The following KSR2 variants were observed in gnomAD, a reference collection of about 807,000 sequenced individuals.
The protein encoded by KSR2 is kinase suppressor of ras 2.
In KSR2, 25 loss-of-function variants were observed where a neutral mutation model predicts 107.8. The ratio of observed to expected loss-of-function variants is 0.23; its 90% confidence interval spans 0.17 to 0.32. The LOEUF (loss-of-function observed/expected upper bound fraction) is 0.32, where lower values mean the gene tolerates loss of function less well. Ranked by LOEUF, KSR2 falls within the 10% of genes least tolerant of loss-of-function variation. KSR2 has a pLI of 1.00. For missense variants in KSR2, 887 were observed against 1,268.9 expected (o/e 0.70, Z 4.57); for synonymous variants, 480 against 507.0 (o/e 0.95, Z 0.71).
chr12:117,663,877 C>T (rs1223210822), intron 5 of KSR2, among the ~76,000 whole-genome samples: 1 of 152,146 alleles, frequency 6.6e-6, no homozygotes, highest in Non-Finnish European at 1.5e-5. Context: ...TAAAGATGAT[C>T]CACTGGTGAA....
chr12:117,638,539 A>G (rs1883212534), intron 5 of KSR2, among the ~76,000 whole-genome samples: 1 of 152,186 alleles, frequency 6.6e-6, no homozygotes, highest in African/African-American at 2.4e-5. Flanking sequence ...GCTGCAGAAT[A>G]TGTGAAATAC....
chr12:117,695,012 A>G (rs996189381), intron 4 of KSR2, among the ~76,000 whole-genome samples: 1 of 151,832 alleles, frequency 6.6e-6, no homozygotes, highest in African/African-American at 2.4e-5. Context: ...CACCACACCC[A>G]GCTAATTTTT....
At chr12:117,661,390 G>A (rs1377353152) in intron 5 of KSR2, among the ~76,000 whole-genome samples, 1 of 152,164 alleles carries the variant, frequency 6.6e-6, no homozygotes, top group African/African-American at 2.4e-5. Flanking sequence ...GGTTATGTAA[G>A]AGAGTATGCA....
At position 117,462,396 on chromosome 12, in the gene KSR2, A is replaced by T. The variant is rs1284786505; in HGVS notation, c.*4803T>A. ...TTAATCCAATGTGACTCGTGTCCTT[A>T]TAAGAAGATGGCCATATGAAGATAG... On this transcript the variant is annotated 3_prime_UTR_variant, in exon 20 of 20. Transcript: ENST00000339824. 1.3e-5 allele frequency: 2 copies of T among 152,114 alleles called. No individual in the cohort carries two copies. Among genetic ancestry groups the T allele is most frequent in the African/African-American group, 4.8e-5 (2 of 41,426 alleles). The allele number at this position is 152,114 out of a possible 1,614,324, so 9.4% of individuals were successfully genotyped here.
chr12:117,885,108 G>A (rs1894135478), intron 1 of KSR2, among the ~76,000 whole-genome samples: 1 of 152,152 alleles, frequency 6.6e-6, no homozygotes, highest in Admixed American at 6.5e-5. Flanking sequence ...CAGCCCTGTT[G>A]CATGTGGATG....
chr12:117,903,842 C>CA (rs901227775), intron 1 of KSR2, among the ~76,000 whole-genome samples: 1 of 152,004 alleles, frequency 6.6e-6, no homozygotes, highest in Non-Finnish European at 1.5e-5. Flanking sequence ...TCCATTTCTA[C>CA]AAAAAAATTA....
chr12:117,886,596 A>T (rs1452118674), intron 1 of KSR2, among the ~76,000 whole-genome samples: 1 of 151,902 alleles, frequency 6.6e-6, no homozygotes, highest in Non-Finnish European at 1.5e-5. Context: ...GTGTAAGTAC[A>T]CTCCCTGATG....
At chr12:117,848,258 C>T (rs958732804) in intron 3 of KSR2, among the ~76,000 whole-genome samples, 3 of 152,224 alleles carry the variant, frequency 2.0e-5, no homozygotes, top group Non-Finnish European at 2.9e-5. Flanking sequence ...GCCACATCTC[C>T]GCCAGGCTCT....
In KSR2 at chr12:117,896,937, T is replaced by G. The variant is rs116701881; in HGVS notation, c.181-36506A>C. 8.3e-3 allele frequency among the ~76,000 whole-genome samples: 1,264 copies of G among 152,196 alleles called. 18 individuals are homozygous for G. The highest frequency in any genetic ancestry group is 0.029 in the African/African-American group (1,214 of 41,522). On this transcript the variant is annotated intron_variant, in intron 1 of 19. Transcript: ENST00000339824. The stretch of plus-strand genomic sequence containing the variant: ...AGGCAGTCGTCACCCTCCTGTTAGG[T>G]GAGGGCTTCTCTGAGGTTAAGGATC...
At chr12:117,650,621 A>G (rs1020796917) in intron 5 of KSR2, among the ~76,000 whole-genome samples, 5 of 152,160 alleles carry the variant, frequency 3.3e-5, no homozygotes, top group African/African-American at 1.2e-4. Flanking sequence ...CTGTTTAGAG[A>G]ATTATGCAAA....
intron 3 of KSR2, among the ~76,000 whole-genome samples, chr12:117,852,071 G>GT (rs1388732919): frequency 6.2e-5 from 9 of 144,566 alleles, no homozygotes; most frequent in African/African-American, 2.3e-4. Flanking sequence ...CTATGTGTGT[G>GT]GGGGGGGTCA....
intron 1 of KSR2, among the ~76,000 whole-genome samples, chr12:117,914,178 C>G (rs955451480): frequency 3.9e-5 from 6 of 152,082 alleles, no homozygotes; most frequent in Admixed American, 3.9e-4. Flanking sequence ...CCTGTAATCC[C>G]ACTACTTTGT....
intron 1 of KSR2, among the ~76,000 whole-genome samples, chr12:117,930,917 A>AAAAC (rs1434793673): frequency 6.6e-6 from 1 of 152,178 alleles, no homozygotes; most frequent in Admixed American, 6.6e-5. Flanking sequence ...CTGTTTCAAG[A>AAAAC]AAACAAACAA....
chr12:117,734,228 C>T (rs1250854220), intron 4 of KSR2, among the ~76,000 whole-genome samples: 1 of 146,136 alleles, frequency 6.8e-6, no homozygotes, highest in Non-Finnish European at 1.5e-5. Flanking sequence ...TTGCAGTGAG[C>T]TGGCATTGCA....
At chr12:117,614,037 G>T (rs1359438031) in intron 5 of KSR2, among the ~76,000 whole-genome samples, 1 of 152,164 alleles carries the variant, frequency 6.6e-6, no homozygotes, top group East Asian at 1.9e-4. Context: ...AAATAGGGTA[G>T]CAAATAAATA....
chr12:117,761,472 C>T lies in KSR2; in HGVS notation c.525G>A (p.Thr175=), dbSNP rs751706259. The change falls in exon 4 of 20, where the codon ACG becomes ACA. Residue 175 remains threonine, a synonymous_variant. Transcript: ENST00000339824. ...GGCACACGGGATTGTTCTCCTTCCCCGTCTCTGTCGTGGGCCACTGGATGG... is the reference window on the plus strand; with the variant it reads ...GGCACACGGGATTGTTCTCCTTCCCTGTCTCTGTCGTGGGCCACTGGATGG... ...DWTIQWPTTE[T]GKENNPVCPP... The T allele has an allele frequency of 1.6e-5, 26 of 1,613,220 alleles. No homozygotes were observed. Among genetic ancestry groups the T allele is most frequent in the Admixed American group, 3.3e-5 (2 of 59,808 alleles).
At chr12:117,691,454 T>C (rs1027564817) in intron 4 of KSR2, among the ~76,000 whole-genome samples, 1 of 152,196 alleles carries the variant, frequency 6.6e-6, no homozygotes. Context: ...TCCTGTCTTC[T>C]GGTTCTGTTG....
At chr12:117,708,841 C>T (rs1286170150) in intron 4 of KSR2, among the ~76,000 whole-genome samples, 1 of 152,170 alleles carries the variant, frequency 6.6e-6, no homozygotes, top group Admixed American at 6.5e-5. Flanking sequence ...CCTGTTCCTG[C>T]TGTAACAAAT....
At chr12:117,755,021 G>A (rs1400517346) in intron 4 of KSR2, among the ~76,000 whole-genome samples, 1 of 152,178 alleles carries the variant, frequency 6.6e-6, no homozygotes, top group African/African-American at 2.4e-5. Flanking sequence ...AGGACTACAG[G>A]GGTGAAGGAG....
Sources: allele counts gnomAD v4.1 joint callset (sites outside exome capture counted in the v4.1 genomes callset), GRCh38; gene constraint gnomAD v4.1.1; transcripts MANE v1.5; gene names NCBI Gene and HGNC (gene_info 2026-07-23, HGNC 2026-07-21).